The following MDGA2 variants were observed in gnomAD, a reference collection of about 807,000 sequenced individuals.
The protein encoded by MDGA2 is MAM domain containing glycosylphosphatidylinositol anchor 2, also known as MAM domain-containing glycosylphosphatidylinositol anchor protein 2.
MDGA2 carries 40 observed loss-of-function variants against 117.8 expected under a neutral mutation model. The ratio of observed to expected loss-of-function variants is 0.34; its 90% confidence interval spans 0.26 to 0.44. MDGA2 has a LOEUF of 0.44. Among genes scored for constraint, MDGA2 ranks in the 20% least tolerant of loss-of-function variants. MDGA2 has a pLI of 1.00. For missense variants in MDGA2, 1,123 were observed against 1,250.6 expected, an observed-to-expected ratio of 0.90 and a Z score of 1.54; for synonymous variants, 452 against 439.0, an observed-to-expected ratio of 1.03 and a Z score of -0.37.
chr14:47,189,226 A>G (rs1885021755), intron 3 of MDGA2, among the ~76,000 whole-genome samples: 1 of 151,932 alleles, frequency 6.6e-6, no homozygotes, highest in Non-Finnish European at 1.5e-5. Flanking sequence ...CCATCCATAT[A>G]TAGAAATACC....
rs1197556054 is a variant in MDGA2 at position 47,649,706 on chromosome 14, AAAAC to A, written c.280+24807_280+24810del. On this transcript the variant is annotated intron_variant, in intron 1 of 16. Transcript: ENST00000399232. ...TCTCAAAAACAAAACAAAACAAAAC[AAAAC>A]AAAAAAACCCCACAAATATATAGAG... 2.0e-5 allele frequency among the ~76,000 whole-genome samples: 3 copies of A among 151,796 alleles called. No homozygotes were observed. In the South Asian group the frequency reaches 6.2e-4, roughly 32 times the overall value.
intron 11 of MDGA2, among the ~76,000 whole-genome samples, chr14:46,878,821 G>T (rs1307944283): frequency 2.0e-5 from 3 of 151,864 alleles, no homozygotes; most frequent in Admixed American, 2.0e-4. Context: ...AAAGATGTAA[G>T]CGTCCTTGAA....
intron 6 of MDGA2, among the ~76,000 whole-genome samples, chr14:47,093,009 G>C (rs1189889655): frequency 6.6e-6 from 1 of 152,010 alleles, no homozygotes; most frequent in Non-Finnish European, 1.5e-5. Flanking sequence ...AATTGGGGAA[G>C]CTTTATATAG....
At chr14:46,882,450 T>A (rs902626019) in intron 10 of MDGA2, among the ~76,000 whole-genome samples, 5 of 151,500 alleles carry the variant, frequency 3.3e-5, no homozygotes, top group African/African-American at 1.2e-4. Context: ...ATTTAATATA[T>A]CATCTAATGT....
intron 8 of MDGA2, among the ~76,000 whole-genome samples, chr14:47,001,154 C>T (rs577465608): frequency 6.6e-6 from 1 of 151,806 alleles, no homozygotes; most frequent in Non-Finnish European, 1.5e-5. Context: ...GAAAAAATTT[C>T]AAGCCATTTA....
chr14:47,503,863 G>C (rs1327638714), intron 1 of MDGA2, among the ~76,000 whole-genome samples: 2 of 152,022 alleles, frequency 1.3e-5, no homozygotes, highest in Non-Finnish European at 2.9e-5. Flanking sequence ...TTTTCACTAT[G>C]TATCTGTGAC....
intron 1 of MDGA2, among the ~76,000 whole-genome samples, chr14:47,319,206 C>G (rs1889903068): frequency 1.3e-5 from 2 of 152,234 alleles, no homozygotes; most frequent in South Asian, 4.1e-4. Context: ...TGGACTGGAA[C>G]AGTAGACTAT....
chr14:47,010,159 T>G (rs1324383600), intron 8 of MDGA2, among the ~76,000 whole-genome samples: 2 of 152,052 alleles, frequency 1.3e-5, no homozygotes, highest in East Asian at 3.9e-4. Context: ...ATTTCTGACT[T>G]CCTGGACAGT....
intron 1 of MDGA2, among the ~76,000 whole-genome samples, chr14:47,449,861 T>C (rs1893204055): frequency 6.6e-6 from 1 of 151,974 alleles, no homozygotes; most frequent in South Asian, 2.1e-4. Context: ...TTAAAAAGAG[T>C]TGCTACCTAA....
intron 9 of MDGA2, among the ~76,000 whole-genome samples, chr14:46,923,257 AT>A (rs916780353): frequency 5.3e-5 from 8 of 152,084 alleles, no homozygotes; most frequent in African/African-American, 1.9e-4. Context: ...TTTCCAATGT[AT>A]TTTTTTAAAT....
intron 9 of MDGA2, among the ~76,000 whole-genome samples, chr14:46,931,171 C>T (rs1436601737): frequency 4.9e-5 from 7 of 141,698 alleles, no homozygotes; most frequent in Admixed American, 1.5e-4. Flanking sequence ...GCCAAGATCG[C>T]GCCACTACAC....
At chr14:47,427,224 G>A (rs902546983) in intron 1 of MDGA2, among the ~76,000 whole-genome samples, 3 of 152,058 alleles carry the variant, frequency 2.0e-5, no homozygotes, top group Non-Finnish European at 2.9e-5. Context: ...GTCGTCTGAG[G>A]CAAAAAGAAA....
intron 8 of MDGA2, among the ~76,000 whole-genome samples, chr14:46,964,683 T>C (rs1275983805): frequency 1.3e-5 from 2 of 152,170 alleles, no homozygotes; most frequent in Admixed American, 6.5e-5. Flanking sequence ...AAATCAAAGA[T>C]ATGACCGTTG....
At chr14:47,423,870 G>A (rs1892631051) in intron 1 of MDGA2, among the ~76,000 whole-genome samples, 1 of 151,984 alleles carries the variant, frequency 6.6e-6, no homozygotes, top group Admixed American at 6.6e-5. Flanking sequence ...GAAGTGCAGT[G>A]GCATAATCTC....
At chr14:47,047,439 T>A (rs1258650855) in intron 7 of MDGA2, among the ~76,000 whole-genome samples, 1 of 152,130 alleles carries the variant, frequency 6.6e-6, no homozygotes, top group East Asian at 1.9e-4. Flanking sequence ...TTTTGTAATA[T>A]ATTTGTAAAG....
At chr14:47,280,675 A>G (rs1481321200) in intron 2 of MDGA2, among the ~76,000 whole-genome samples, 2 of 152,054 alleles carry the variant, frequency 1.3e-5, no homozygotes, top group Non-Finnish European at 2.9e-5. Flanking sequence ...CATGTTCATC[A>G]TATTATACTA....
chr14:47,043,012 C>A (rs999421625), intron 7 of MDGA2, among the ~76,000 whole-genome samples: 1 of 151,988 alleles, frequency 6.6e-6, no homozygotes, highest in East Asian at 1.9e-4. Context: ...TATAATGATA[C>A]AAGGCAAATT....
At chr14:47,376,706 T>C (rs904037162) in intron 1 of MDGA2, among the ~76,000 whole-genome samples, 1 of 152,126 alleles carries the variant, frequency 6.6e-6, no homozygotes, top group East Asian at 1.9e-4. Context: ...TCATGCCTCA[T>C]AGGTATCATG....
At chr14:47,463,264 C>T (rs1295857781) in intron 1 of MDGA2, among the ~76,000 whole-genome samples, 1 of 152,128 alleles carries the variant, frequency 6.6e-6, no homozygotes, top group African/African-American at 2.4e-5. Flanking sequence ...TAGCTATCTA[C>T]AATTTCCTGC....
Sources: gnomAD v4.1 joint callset for allele counts (sites outside exome capture counted in the v4.1 genomes callset) on GRCh38, gnomAD v4.1.1 for gene constraint, MANE v1.5 for transcripts, NCBI Gene and HGNC (gene_info 2026-07-23, HGNC 2026-07-21) for gene names.